Variants in XRN2 observed in about 807,000 individuals in gnomAD.
XRN2 encodes DHM1-like protein.
Under a neutral mutation model 138.5 loss-of-function variants are expected in XRN2, and 44 were observed. The observed-to-expected ratio is 0.32, with a 90% CI of 0.25 to 0.41. The LOEUF (loss-of-function observed/expected upper bound fraction) is 0.41. XRN2 is among the 10% of genes least tolerant of loss of function. The probability of loss-of-function intolerance (pLI) is 1.00; values close to 1 mark genes in which losing one functional copy is unlikely to be tolerated. For synonymous variants in XRN2, 354 were observed against 369.4 expected, an observed-to-expected ratio of 0.96 and a Z score of 0.48; for missense variants, 937 against 1,169.3, an observed-to-expected ratio of 0.80 and a Z score of 2.90.
intron 27 of XRN2, among the ~76,000 whole-genome samples, chr20:21,380,247 T>C (rs1244005532): frequency 1.3e-5 from 2 of 152,208 alleles, no homozygotes; most frequent in Non-Finnish European, 2.9e-5. Flanking sequence ...GGCACTAAAA[T>C]GAAATACTTC....
Position 21,328,643 on chromosome 20 carries a change from C to A in XRN2, c.400C>A (p.Arg134=). ...AATGGAAGCAGCAGTCGAGAAGCAG[C>A]GAGTCAGGGAAGAAATATTGGCAAA... is the stretch of plus-strand genomic sequence containing the variant. The part of the protein sequence containing the change: ...EGMEAAVEKQ[R]VREEILAKGG... The change falls in exon 4 of 30, where the codon CGA becomes AGA. Residue 134 remains arginine (R), a synonymous_variant. Transcript: ENST00000377191. 6.2e-7 allele frequency: 1 copy of A among 1,613,830 alleles called. No homozygotes were observed. Among genetic ancestry groups the A allele is most frequent in the Non-Finnish European group, 8.5e-7 (1 of 1,179,924 alleles).
chr20:21,366,812 A>G (rs2038710178), intron 26 of XRN2, among the ~76,000 whole-genome samples: 1 of 152,196 alleles, frequency 6.6e-6, no homozygotes, highest in South Asian at 2.1e-4. Flanking sequence ...AATAACTTTG[A>G]TACTGCTCTG....
chr20:21,338,623 T>TA lies in XRN2; in HGVS notation c.1234-416dup, dbSNP rs199969339. The stretch of plus-strand genomic sequence containing the variant: ...AATTAAATTGTCTTGCTGATTTTTT[T>TA]AAAAATGGATACCTTAGTTATTAAC... On this transcript the variant is annotated intron_variant, in intron 13 of 29. Transcript: ENST00000377191. Among the ~76,000 whole-genome samples, 248 of 152,274 alleles carry TA rather than the reference T, an allele frequency of 1.6e-3. 2 individuals are homozygous for TA. The Middle Eastern group carries it at 0.017, about 10-fold the overall frequency.
chr20:21,348,014 G>A lies in XRN2; in HGVS notation c.1666-132G>A. Reference sequence around the variant, plus strand: ...GAGTCATGGAAAAGATCAGTATTTGGAATATATGCCAGAAGTCATGTGTTT... The same window carrying A: ...GAGTCATGGAAAAGATCAGTATTTGAAATATATGCCAGAAGTCATGTGTTT... On this transcript the variant is annotated intron_variant, in intron 17 of 29. Coordinates refer to ENST00000377191, the MANE Select transcript of XRN2 (RefSeq NM_012255.5). The A allele has an allele frequency of 4.2e-6, 3 of 707,732 alleles. No homozygotes were observed. The South Asian group carries it at 7.7e-5, about 18-fold the overall frequency. 43.8% of individuals were successfully genotyped at this position (707,732 alleles called of 1,614,324 possible).
intron 5 of XRN2, 32 bp from the exon 6 acceptor site, chr20:21,330,584 A>T: frequency 6.2e-7 from 1 of 1,613,594 alleles, no homozygotes; most frequent in Non-Finnish European, 8.5e-7. Flanking sequence ...CTCTTAAATG[A>T]TAGGTTAATT....
chr20:21,303,911 A>G (rs1905876325), intron 1 of XRN2: 1 of 959,870 alleles, frequency 1.0e-6, no homozygotes. Context: ...CAACCTTGTA[A>G]AGGAATCCCT....
intron 13 of XRN2, 106 bp downstream of exon 13, chr20:21,334,291 G>C (rs535543434): frequency 1.1e-6 from 1 of 902,362 alleles, no homozygotes; most frequent in Non-Finnish European, 1.7e-6. Context: ...ATATCATTAT[G>C]GTGTGTCAAC....
intron 15 of XRN2, 125 bp downstream of exon 15, chr20:21,340,977 T>G: frequency 1.8e-6 from 2 of 1,101,260 alleles, no homozygotes; most frequent in Middle Eastern, 4.2e-4. Context: ...TTAATTGCTT[T>G]GCCTTGAGAA....
chr20:21,379,804 C>T (rs1267841207), intron 27 of XRN2, among the ~76,000 whole-genome samples: 2 of 152,170 alleles, frequency 1.3e-5, no homozygotes, highest in Non-Finnish European at 2.9e-5. Flanking sequence ...TGTGCTTAAT[C>T]TAAGAATAGC....
At position 21,334,197 on chromosome 20, in the gene XRN2, C is replaced by G; in HGVS notation, c.1233+12C>G. On this transcript the variant is annotated intron_variant, in intron 13 of 29. Transcript: ENST00000377191. ...GAAAGGATGATGAGGTAAAGTGTTT[C>G]TATTGCAGTAGCTAAAATTGCTCCT... 6.2e-7 allele frequency: 1 copy of G among 1,607,504 alleles called. No individual in the cohort carries two copies. Among genetic ancestry groups the G allele is most frequent in the Non-Finnish European group, 8.5e-7 (1 of 1,175,622 alleles).
chr20:21,328,838 C>G (rs1031156510), intron 4 of XRN2, among the ~76,000 whole-genome samples, 168 bp downstream of exon 4: 3 of 152,112 alleles, frequency 2.0e-5, no homozygotes, highest in Non-Finnish European at 2.9e-5. Context: ...TACCAATAGG[C>G]TTAATAGGCT....
At chr20:21,365,967 G>A (rs1358742234) in intron 26 of XRN2, among the ~76,000 whole-genome samples, 4 of 100,434 alleles carry the variant, frequency 4.0e-5, no homozygotes, top group Admixed American at 1.3e-4. Flanking sequence ...TTACAGGAGT[G>A]AGCCACCGTG....
intron 13 of XRN2, among the ~76,000 whole-genome samples, chr20:21,335,460 G>C (rs1415483579): frequency 6.6e-6 from 1 of 152,138 alleles, no homozygotes; most frequent in Non-Finnish European, 1.5e-5. Context: ...TTTGTATACT[G>C]TAGCTAGTGA....
chr20:21,381,929 T>C (rs1325369985), intron 27 of XRN2, 65 bp from the exon 28 acceptor site: 3 of 1,340,924 alleles, frequency 2.2e-6, no homozygotes, highest in Admixed American at 4.7e-5. Flanking sequence ...AATTATAAAA[T>C]ATTGGGTAGT....
In XRN2 at chr20:21,331,620, T is replaced by C. The variant is rs146130710; in HGVS notation, c.636T>C (p.Ile212=). The change falls in exon 7 of 30, where the codon ATT becomes ATC. Residue 212 remains isoleucine (I), a synonymous_variant. Coordinates refer to ENST00000377191, the MANE Select transcript of XRN2 (RefSeq NM_012255.5). ...GAGAACATAAAATCATGGATTACATTAGAAGGCAAAGAGGTAAAGCTTACT... is the reference window on the plus strand; with the variant it reads ...GAGAACATAAAATCATGGATTACATCAGAAGGCAAAGAGGTAAAGCTTACT... ...GEGEHKIMDY[I]RRQRAQPNHD... is the part of the protein sequence containing the mutation. 6.0e-4 allele frequency: 966 copies of C among 1,612,902 alleles called. 6 individuals carry two copies. In the African/African-American group the frequency reaches 0.011, roughly 19 times the overall value.
chr20:21,377,341 C>G (rs2038836799), intron 27 of XRN2, among the ~76,000 whole-genome samples: 1 of 138,042 alleles, frequency 7.2e-6, no homozygotes, highest in Non-Finnish European at 1.5e-5. Flanking sequence ...CGCTATACCT[C>G]TGCCTTCCAG....
intron 27 of XRN2, among the ~76,000 whole-genome samples, chr20:21,372,714 G>T (rs2038776635): frequency 6.6e-6 from 1 of 152,102 alleles, no homozygotes; most frequent in African/African-American, 2.4e-5. Context: ...GAACCGTACA[G>T]TGTAGTTTTT....
At chr20:21,353,567 G>A (rs1264708948) in intron 20 of XRN2, among the ~76,000 whole-genome samples, 5 of 151,826 alleles carry the variant, frequency 3.3e-5, no homozygotes, top group Non-Finnish European at 7.4e-5. Context: ...AAGTTGGAAG[G>A]ATTGCTTGAA....
At chr20:21,334,207 A>G in intron 13 of XRN2, 22 bp downstream of exon 13, 2 of 1,598,100 alleles carry the variant, frequency 1.3e-6, no homozygotes, top group Non-Finnish European at 1.7e-6. Context: ...CTATTGCAGT[A>G]GCTAAAATTG....
Sources: allele counts gnomAD v4.1 joint callset (sites outside exome capture counted in the v4.1 genomes callset), GRCh38; gene constraint gnomAD v4.1.1; transcripts MANE v1.5; gene names NCBI Gene and HGNC (gene_info 2026-07-23, HGNC 2026-07-21).